Variants in SLC39A11 observed in about 807,000 individuals in gnomAD.
SLC39A11 encodes the protein solute carrier family 39 member 11, also known as zinc transporter ZIP11.
SLC39A11 carries 33 observed loss-of-function variants against 36.1 expected under a neutral mutation model. The observed-to-expected ratio is 0.91, with a 90% CI of 0.69 to 1.22. The LOEUF (loss-of-function observed/expected upper bound fraction) is 1.22. Ranked by LOEUF, SLC39A11 falls within the 50% of genes most tolerant of loss-of-function variation. The pLI is 0.00. For missense variants in SLC39A11, 432 were observed against 430.3 expected (o/e 1.00, Z -0.03); for synonymous variants, 166 against 170.3 (o/e 0.97, Z 0.20).
intron 7 of SLC39A11, among the ~76,000 whole-genome samples, chr17:72,699,206 C>T: frequency 6.6e-6 from 1 of 152,218 alleles, no homozygotes; most frequent in Non-Finnish European, 1.5e-5. Context: ...CTGGGCCACA[C>T]TGGAAGAAAA....
intron 5 of SLC39A11, among the ~76,000 whole-genome samples, chr17:72,905,234 A>C (rs2082597640): frequency 6.8e-6 from 1 of 147,762 alleles, no homozygotes; most frequent in Non-Finnish European, 1.5e-5. Flanking sequence ...GAGAATGACC[A>C]GTATGAAAAT....
At chr17:72,979,084 C>A (rs769374107) in intron 4 of SLC39A11, among the ~76,000 whole-genome samples, 13 of 152,160 alleles carry the variant, frequency 8.5e-5, no homozygotes, top group East Asian at 5.8e-4. Flanking sequence ...GCGGAGGCAA[C>A]TGAATCATGG....
chr17:72,967,732 C>T (rs1274490999), intron 4 of SLC39A11, among the ~76,000 whole-genome samples: 1 of 152,170 alleles, frequency 6.6e-6, no homozygotes, highest in Non-Finnish European at 1.5e-5. Flanking sequence ...ACAAAGCATT[C>T]GCACTGTGCA....
chr17:72,846,329 C>T (rs2079054682), intron 6 of SLC39A11, among the ~76,000 whole-genome samples: 1 of 152,156 alleles, frequency 6.6e-6, no homozygotes, highest in South Asian at 2.1e-4. Flanking sequence ...TGCACCTGGC[C>T]TCAATCCTTA....
intron 4 of SLC39A11, among the ~76,000 whole-genome samples, chr17:72,952,649 T>C (rs1450082186): frequency 2.6e-5 from 4 of 152,252 alleles, no homozygotes; most frequent in Non-Finnish European, 2.9e-5. Flanking sequence ...TTACTTGATA[T>C]TGTTGTTTAC....
chr17:72,843,533 C>T (rs191475303), intron 6 of SLC39A11, among the ~76,000 whole-genome samples: 1 of 152,158 alleles, frequency 6.6e-6, no homozygotes, highest in African/African-American at 2.4e-5. Flanking sequence ...CAGAGAGTGC[C>T]CTCTTTCCAC....
intron 6 of SLC39A11, among the ~76,000 whole-genome samples, chr17:72,833,271 C>A (rs2078365981): frequency 6.6e-6 from 1 of 152,196 alleles, no homozygotes; most frequent in South Asian, 2.1e-4. Context: ...AATAACCGTC[C>A]TCTTTTGAAA....
chr17:72,930,170 C>T (rs1428296046), intron 5 of SLC39A11, among the ~76,000 whole-genome samples: 1 of 152,196 alleles, frequency 6.6e-6, no homozygotes, highest in Non-Finnish European at 1.5e-5. Context: ...TCCCTCATAG[C>T]AGGCCAGCAG....
chr17:73,012,047 T>C (rs2090552279), intron 4 of SLC39A11, among the ~76,000 whole-genome samples: 1 of 150,096 alleles, frequency 6.7e-6, no homozygotes. Flanking sequence ...GGCCGAGGCG[T>C]GTAGATCACC....
At position 73,005,678 on chromosome 17, in the gene SLC39A11, G is replaced by A. The variant is rs191257441; in HGVS notation, c.306+25878C>T. Reference sequence around the variant, plus strand: ...CACCACCTGAGTGACCTCAGCCATGGTGGCTCACGCCTGTAATCCCAACAC... The same window carrying A: ...CACCACCTGAGTGACCTCAGCCATGATGGCTCACGCCTGTAATCCCAACAC... On this transcript the variant is annotated intron_variant, in intron 4 of 9. Coordinates refer to ENST00000255559, the MANE Select transcript of SLC39A11 (RefSeq NM_139177.4). Among the ~76,000 whole-genome samples the A allele has an allele frequency of 3.9e-5, 6 of 152,332 alleles. No individual in the cohort carries two copies. In the East Asian group the frequency reaches 1.2e-3, roughly 29 times the overall value.
chr17:73,065,191 G>A (rs1298664298), intron 3 of SLC39A11, among the ~76,000 whole-genome samples: 2 of 152,056 alleles, frequency 1.3e-5, no homozygotes, highest in Admixed American at 6.6e-5. Flanking sequence ...GATCACTTGA[G>A]GTCAGGAGTT....
At chr17:72,851,429 A>C (rs538694321) in intron 5 of SLC39A11, among the ~76,000 whole-genome samples, 17 of 152,282 alleles carry the variant, frequency 1.1e-4, no homozygotes, top group African/African-American at 4.1e-4. Flanking sequence ...AATCTTAAAC[A>C]CGTGATGGCA....
chr17:72,711,869 ACAGC>A (rs1330853761), intron 7 of SLC39A11, among the ~76,000 whole-genome samples: 1 of 152,234 alleles, frequency 6.6e-6, no homozygotes, highest in African/African-American at 2.4e-5. Context: ...AAAGACATGA[ACAGC>A]CAGAAATGGA....
At chr17:72,852,727 A>G (rs2079425152) in intron 5 of SLC39A11, among the ~76,000 whole-genome samples, 2 of 152,222 alleles carry the variant, frequency 1.3e-5, no homozygotes, top group Admixed American at 1.3e-4. Flanking sequence ...CATTTTGAGT[A>G]GACAATATGT....
At chr17:72,996,747 C>T (rs1249657234) in intron 4 of SLC39A11, among the ~76,000 whole-genome samples, 5 of 152,108 alleles carry the variant, frequency 3.3e-5, no homozygotes, top group Non-Finnish European at 2.9e-5. Flanking sequence ...AGTCATGTTC[C>T]GAGGTTCCAA....
intron 5 of SLC39A11, among the ~76,000 whole-genome samples, chr17:72,850,556 C>T (rs2146016258): frequency 6.6e-6 from 1 of 152,244 alleles, no homozygotes; most frequent in African/African-American, 2.4e-5. Flanking sequence ...CCTAGCAATG[C>T]CTGTTTAAGA....
chr17:72,828,420 G>A (rs1295904954), intron 6 of SLC39A11, among the ~76,000 whole-genome samples: 4 of 152,240 alleles, frequency 2.6e-5, no homozygotes, highest in African/African-American at 4.8e-5. Flanking sequence ...CGGAAAAGGC[G>A]AAGAAATTGA....
At chr17:72,692,152 C>T (rs1315801081) in intron 7 of SLC39A11, among the ~76,000 whole-genome samples, 1 of 152,046 alleles carries the variant, frequency 6.6e-6, no homozygotes, top group Non-Finnish European at 1.5e-5. Context: ...GCTGGGACTA[C>T]AGGTGCCTGC....
intron 6 of SLC39A11, among the ~76,000 whole-genome samples, chr17:72,746,482 G>A (rs868340173): frequency 1.3e-5 from 2 of 151,944 alleles, no homozygotes; most frequent in African/African-American, 4.8e-5. Context: ...CAGGTGCAGT[G>A]GCTCACACCT....
Sources: gnomAD v4.1 joint callset for allele counts (sites outside exome capture counted in the v4.1 genomes callset) on GRCh38, gnomAD v4.1.1 for gene constraint, MANE v1.5 for transcripts, NCBI Gene and HGNC (gene_info 2026-07-23, HGNC 2026-07-21) for gene names.